MSR1: variants seen among roughly 807,000 people sequenced by gnomAD.
The protein encoded by MSR1 is macrophage scavenger receptor types I and II.
In MSR1, 53 loss-of-function variants were observed where a neutral mutation model predicts 47.2. The ratio of observed to expected loss-of-function variants is 1.12; its 90% CI spans 0.90 to 1.41. The LOEUF is 1.41. Among genes scored for constraint, MSR1 ranks in the 40% most tolerant of loss-of-function variants. The pLI is 0.00. For missense variants in MSR1, 786 were observed against 546.9 expected (o/e 1.44, Z -4.36); for synonymous variants, 239 against 185.6 (o/e 1.29, Z -2.34).
intron 7 of MSR1, 91 bp downstream of exon 7, chr8:16,150,140 G>GTGTATATATATATATATATATATA (rs1402495981): frequency 5.8e-6 from 1 of 172,632 alleles, no homozygotes; most frequent in African/African-American, 3.1e-5. Context: ...GTGTGTGTGT[G>GTGTATATATATATATATATATATA]TATATATATA....
At chr8:16,183,330 A>G (rs1399048589) in intron 1 of MSR1, among the ~76,000 whole-genome samples, 1 of 151,808 alleles carries the variant, frequency 6.6e-6, no homozygotes, top group Non-Finnish European at 1.5e-5. Context: ...ACATCTTTAC[A>G]CTCTGAACTC....
intron 7 of MSR1, among the ~76,000 whole-genome samples, chr8:16,148,234 A>AT (rs895061200): frequency 4.5e-4 from 68 of 151,886 alleles, no homozygotes; most frequent in African/African-American, 8.9e-4. Context: ...TTGCTTATGC[A>AT]TTTTTTTTCT....
rs527482632 is a variant in MSR1, at chr8:16,154,062, A to G, written c.898+1002T>C. Among the ~76,000 whole-genome samples the G allele has an allele frequency of 1.2e-3, 189 of 151,840 alleles. 1 individual carries two copies. The highest frequency in any genetic ancestry group is 1.7e-3 in the Non-Finnish European group (113 of 67,894). On this transcript the variant is annotated intron_variant, in intron 6 of 9. Transcript: ENST00000262101. Reference sequence around the variant, plus strand: ...TATCTTCACATATAATATGCCATATATATTTATATACATATATATACATAT... The same window carrying G: ...TATCTTCACATATAATATGCCATATGTATTTATATACATATATATACATAT...
chr8:16,158,204 A>G (rs75298971), intron 5 of MSR1, among the ~76,000 whole-genome samples: 4,325 of 152,070 alleles, frequency 0.028, 236 homozygotes, highest in African/African-American at 0.099. Flanking sequence ...AATATTTCCA[A>G]TTACAGTTAC....
intron 8 of MSR1, 30 bp downstream of exon 8, chr8:16,143,528 C>A: frequency 6.3e-7 from 1 of 1,598,060 alleles, no homozygotes; most frequent in Non-Finnish European, 8.6e-7. Flanking sequence ...TACAAGAATT[C>A]ACACAGAAAA....
intron 3 of MSR1, among the ~76,000 whole-genome samples, chr8:16,169,231 G>A (rs1350315601): frequency 2.0e-5 from 3 of 152,126 alleles, no homozygotes; most frequent in Non-Finnish European, 4.4e-5. Flanking sequence ...AGAATAAAGT[G>A]GACTAATGCT....
chr8:16,156,529 G>C (rs1426539378), intron 5 of MSR1, among the ~76,000 whole-genome samples: 2 of 151,792 alleles, frequency 1.3e-5, no homozygotes, highest in Non-Finnish European at 2.9e-5. Context: ...TCAATAGAAT[G>C]TCCCTTTCTC....
At chr8:16,165,619 T>C (rs900989804) in intron 4 of MSR1, among the ~76,000 whole-genome samples, 3 of 152,124 alleles carry the variant, frequency 2.0e-5, no homozygotes, top group African/African-American at 7.2e-5. Flanking sequence ...TCATTTCCGA[T>C]TTGCACATGG....
chr8:16,159,036 C>T lies in MSR1; in HGVS notation c.818-3892G>A, dbSNP rs559048980. 3.4e-5 allele frequency among the ~76,000 whole-genome samples: 5 copies of T among 145,622 alleles called. No individual in the cohort carries two copies. The South Asian group carries it at 8.7e-4, about 25-fold the overall frequency. On this transcript the variant is annotated intron_variant, in intron 5 of 9. Coordinates refer to ENST00000262101, the MANE Select transcript of MSR1 (RefSeq NM_138715.3). ...CCTCATGTCTCACTCTCCTGAAGTGCTGGAATTATATTGTCTCAGCCTCCC... is the reference window on the plus strand; with the variant it reads ...CCTCATGTCTCACTCTCCTGAAGTGTTGGAATTATATTGTCTCAGCCTCCC...
chr8:16,160,001 T>G (rs566946543), intron 5 of MSR1, among the ~76,000 whole-genome samples: 12 of 152,088 alleles, frequency 7.9e-5, no homozygotes, highest in African/African-American at 2.6e-4. Context: ...GTTGAAATAT[T>G]TGATATACAA....
At chr8:16,190,716 T>A (rs926381698) in intron 1 of MSR1, among the ~76,000 whole-genome samples, 3 of 142,102 alleles carry the variant, frequency 2.1e-5, no homozygotes, top group African/African-American at 8.8e-5. Context: ...TTCTTTCTTT[T>A]TTCTTTCTTT....
chr8:16,109,975 G>A lies in MSR1; in HGVS notation c.*110C>T, dbSNP rs1053823189. ...AATCCTGTAATCTAAAATATTATTT[G>A]GGCAATATTCTTAATCTCTTAAATA... On this transcript the variant is annotated 3_prime_UTR_variant, in exon 10 of 10. Transcript: ENST00000262101. 2 of 1,261,374 alleles carry A rather than the reference G, an allele frequency of 1.6e-6. No individual in the cohort carries two copies. Among genetic ancestry groups the A allele is most frequent in the Non-Finnish European group, 2.3e-6 (2 of 880,446 alleles). The allele number at this position is 1,261,374 out of a possible 1,614,324, so 78.1% of individuals were successfully genotyped here.
intron 1 of MSR1, among the ~76,000 whole-genome samples, chr8:16,180,937 C>A (rs1251389587): frequency 6.6e-6 from 1 of 151,908 alleles, no homozygotes; most frequent in Non-Finnish European, 1.5e-5. Flanking sequence ...GGCATAGAAC[C>A]CAAATCTTCT....
At chr8:16,181,355 T>G (rs892781630) in intron 1 of MSR1, among the ~76,000 whole-genome samples, 1 of 152,200 alleles carries the variant, frequency 6.6e-6, no homozygotes, top group African/African-American at 2.4e-5. Flanking sequence ...CTCCAGCATC[T>G]GTTGTTTCTT....
At position 16,171,155 on chromosome 8, in the gene MSR1, C is replaced by T. The variant is rs147884011; in HGVS notation, c.218-2285G>A. Among the ~76,000 whole-genome samples the T allele has an allele frequency of 6.3e-3, 855 of 136,036 alleles. 12 individuals are homozygous for T. Among genetic ancestry groups the T allele is most frequent in the African/African-American group, 0.021 (777 of 36,656 alleles). The allele number at this position is 136,036 out of a possible 152,430, so 89.2% of individuals were successfully genotyped here. ...AGGAGAATTGCTTGAGCCCGGGAGG[C>T]GGAGGTTGCAGTGTGCCGAGATTGT... On this transcript the variant is annotated intron_variant, in intron 3 of 9. Coordinates refer to ENST00000262101, the MANE Select transcript of MSR1 (RefSeq NM_138715.3).
intron 5 of MSR1, among the ~76,000 whole-genome samples, chr8:16,161,248 A>C (rs1801155449): frequency 6.6e-6 from 1 of 151,928 alleles, no homozygotes; most frequent in Non-Finnish European, 1.5e-5. Context: ...AAGGAAGTCA[A>C]AGACAGCTTC....
At chr8:16,175,056 A>G in intron 3 of MSR1, 131 bp downstream of exon 3, 1 of 731,924 alleles carries the variant, frequency 1.4e-6, no homozygotes, top group South Asian at 1.7e-5. Flanking sequence ...ACAAATTTGA[A>G]GGACACTTTG....
chr8:16,164,545 T>C (rs1340171004), intron 4 of MSR1, among the ~76,000 whole-genome samples: 3 of 151,918 alleles, frequency 2.0e-5, no homozygotes, highest in African/African-American at 7.2e-5. Flanking sequence ...ATTCTAACAA[T>C]AAAATTAAAT....
At chr8:16,156,139 A>G (rs536851349) in intron 5 of MSR1, among the ~76,000 whole-genome samples, 6 of 152,028 alleles carry the variant, frequency 3.9e-5, no homozygotes, top group Admixed American at 3.9e-4. Context: ...CCTTTTCAAC[A>G]CCAGAAGAAA....
Sources: gnomAD v4.1 joint callset for allele counts (sites outside exome capture counted in the v4.1 genomes callset) on GRCh38, gnomAD v4.1.1 for gene constraint, MANE v1.5 for transcripts, NCBI Gene and HGNC (gene_info 2026-07-23, HGNC 2026-07-21) for gene names.